Variants in POU6F2 observed in about 807,000 individuals in gnomAD.
POU6F2 encodes the protein POU domain, class 6, transcription factor 2.
Under a neutral mutation model 71.3 loss-of-function variants are expected in POU6F2, and 31 were observed. The observed-to-expected ratio is 0.43, with a 90% CI of 0.33 to 0.59. POU6F2 has a LOEUF of 0.59. Ranked by LOEUF, POU6F2 falls within the 20% of genes least tolerant of loss-of-function variation. POU6F2 has a pLI of 0.04. For missense variants in POU6F2, 783 were observed against 856.8 expected (o/e 0.91, Z 1.07); for synonymous variants, 347 against 355.7 (o/e 0.98, Z 0.27).
At chr7:39,130,955 G>T (rs1299669808) in intron 2 of POU6F2, among the ~76,000 whole-genome samples, 2 of 152,222 alleles carry the variant, frequency 1.3e-5, no homozygotes, top group Non-Finnish European at 2.9e-5. Flanking sequence ...ACGGATGCAG[G>T]TGAACCCAGC....
Position 39,358,873 on chromosome 7 carries a change from TAAAAA to T in POU6F2, c.972+18872_972+18876del, listed in dbSNP as rs10626884. 2.2e-3 allele frequency among the ~76,000 whole-genome samples: 294 copies of T among 134,390 alleles called. 1 individual carries two copies. The highest frequency in any genetic ancestry group is 8.0e-3 in the African/African-American group (288 of 36,216). 88.2% of individuals were successfully genotyped at this position (134,390 alleles called of 152,430 possible). On this transcript the variant is annotated intron_variant, in intron 5 of 9. Transcript: ENST00000518318. Reference sequence around the variant, plus strand: ...GAAAGTGGAGCTGTACTTCTGTATTTAAAAAAAAAAAAAAAAAAGAGTATGACAAG... The same window carrying T: ...GAAAGTGGAGCTGTACTTCTGTATTTAAAAAAAAAAAAAGAGTATGACAAG...
At chr7:39,027,015 G>A (rs1789822188) in intron 1 of POU6F2, among the ~76,000 whole-genome samples, 1 of 151,950 alleles carries the variant, frequency 6.6e-6, no homozygotes, top group Non-Finnish European at 1.5e-5. Flanking sequence ...TTTTATTTTT[G>A]TTTTCTATTT....
intron 5 of POU6F2, among the ~76,000 whole-genome samples, chr7:39,350,615 A>T (rs984115733): frequency 6.6e-6 from 1 of 152,204 alleles, no homozygotes; most frequent in Non-Finnish European, 1.5e-5. Flanking sequence ...GAAAGCAAAA[A>T]TGGATGTTTT....
intron 1 of POU6F2, among the ~76,000 whole-genome samples, 194 bp downstream of exon 1, chr7:38,978,252 G>T (rs1243317466): frequency 2.0e-5 from 3 of 152,100 alleles, no homozygotes; most frequent in Admixed American, 6.6e-5. Flanking sequence ...ACTTCAATGC[G>T]ATCCTTTTAA....
At chr7:39,429,556 C>T (rs1788048656) in intron 6 of POU6F2, among the ~76,000 whole-genome samples, 2 of 152,170 alleles carry the variant, frequency 1.3e-5, no homozygotes, top group South Asian at 4.1e-4. Context: ...TCCTTCATGG[C>T]ATTTGACACA....
chr7:39,035,969 G>A (rs1790053590), intron 1 of POU6F2, among the ~76,000 whole-genome samples: 1 of 151,878 alleles, frequency 6.6e-6, no homozygotes, highest in South Asian at 2.1e-4. Context: ...AATAACATAA[G>A]TCACAAGTAC....
At chr7:39,093,133 A>AT (rs1219307233) in intron 2 of POU6F2, among the ~76,000 whole-genome samples, 6 of 151,892 alleles carry the variant, frequency 4.0e-5, no homozygotes, top group African/African-American at 9.7e-5. Flanking sequence ...ATATATTGTG[A>AT]TTTTTTTTAA....
At chr7:39,119,623 A>G (rs552776756) in intron 2 of POU6F2, among the ~76,000 whole-genome samples, 1 of 152,352 alleles carries the variant, frequency 6.6e-6, no homozygotes. Context: ...AAATACAGGC[A>G]TGGAGGGGAA....
intron 2 of POU6F2, among the ~76,000 whole-genome samples, chr7:39,122,820 G>A (rs1792071020): frequency 6.7e-6 from 1 of 149,712 alleles, no homozygotes; most frequent in Non-Finnish European, 1.5e-5. Context: ...TGATTCTCCT[G>A]CCTCAGTCTC....
At chr7:39,053,347 G>T (rs1584518638) in intron 1 of POU6F2, among the ~76,000 whole-genome samples, 1 of 152,078 alleles carries the variant, frequency 6.6e-6, no homozygotes, top group South Asian at 2.1e-4. Flanking sequence ...TGCCCAATAA[G>T]GTACTTTCTA....
At chr7:39,293,455 G>A (rs977596126) in intron 4 of POU6F2, among the ~76,000 whole-genome samples, 1 of 152,192 alleles carries the variant, frequency 6.6e-6, no homozygotes. Context: ...GCCGCTTGGG[G>A]CCCGTCGTTA....
chr7:39,170,084 C>G (rs1793189953), intron 2 of POU6F2, among the ~76,000 whole-genome samples: 1 of 152,120 alleles, frequency 6.6e-6, no homozygotes, highest in Admixed American at 6.5e-5. Context: ...GGGAGAATCG[C>G]TTGAACCTGG....
chr7:39,281,489 T>G (rs1382818405), intron 4 of POU6F2, among the ~76,000 whole-genome samples: 1 of 152,120 alleles, frequency 6.6e-6, no homozygotes, highest in African/African-American at 2.4e-5. Context: ...GGAACCACTA[T>G]TCTACTTTCT....
At chr7:39,173,135 A>G (rs1194357224) in intron 2 of POU6F2, among the ~76,000 whole-genome samples, 1 of 152,220 alleles carries the variant, frequency 6.6e-6, no homozygotes, top group Middle Eastern at 3.2e-3. Context: ...TACTAATGAG[A>G]TATCTTATAA....
Position 39,294,201 on chromosome 7 carries a change from T to G in POU6F2, c.599-45441T>G, listed in dbSNP as rs572727309. 3.3e-5 allele frequency among the ~76,000 whole-genome samples: 5 copies of G among 151,598 alleles called. No individual in the cohort carries two copies. In the East Asian group the frequency reaches 1.0e-3, roughly 30 times the overall value. Reference sequence around the variant, plus strand: ...AACCTGAAACCATGATGGCAACAGCTGTCTCTATTTTTTACTCTGACTTGA... The same window carrying G: ...AACCTGAAACCATGATGGCAACAGCGGTCTCTATTTTTTACTCTGACTTGA... On this transcript the variant is annotated intron_variant, in intron 4 of 9. Transcript: ENST00000518318.
intron 2 of POU6F2, among the ~76,000 whole-genome samples, chr7:39,186,751 G>C (rs761612955): frequency 6.6e-6 from 1 of 152,004 alleles, no homozygotes; most frequent in African/African-American, 2.4e-5. Context: ...CTCCCCTCCC[G>C]CAGATTCTTT....
chr7:39,347,476 T>C (rs959629262), intron 5 of POU6F2, among the ~76,000 whole-genome samples: 25 of 152,154 alleles, frequency 1.6e-4, no homozygotes, highest in African/African-American at 5.5e-4. Flanking sequence ...AAACCTACAC[T>C]AAAGGGCATC....
At chr7:39,173,509 A>C (rs1793267727) in intron 2 of POU6F2, among the ~76,000 whole-genome samples, 1 of 152,250 alleles carries the variant, frequency 6.6e-6, no homozygotes, top group African/African-American at 2.4e-5. Context: ...GAAAAAGTGT[A>C]GCTAGTGATC....
intron 5 of POU6F2, among the ~76,000 whole-genome samples, chr7:39,389,733 G>T (rs1208305102): frequency 6.6e-6 from 1 of 152,134 alleles, no homozygotes; most frequent in Non-Finnish European, 1.5e-5. Flanking sequence ...GAGATTCTTA[G>T]TGGCCATTTT....
Sources: gnomAD v4.1 joint callset for allele counts (sites outside exome capture counted in the v4.1 genomes callset) on GRCh38, gnomAD v4.1.1 for gene constraint, MANE v1.5 for transcripts, NCBI Gene and HGNC (gene_info 2026-07-23, HGNC 2026-07-21) for gene names.